RACGAP1: variants seen among roughly 807,000 people sequenced by gnomAD.
The protein encoded by RACGAP1 is rac GTPase-activating protein 1.
A neutral mutation model predicts 78.1 loss-of-function variants in RACGAP1; 30 were observed. The observed-to-expected ratio is 0.38, with a 90% CI of 0.29 to 0.52. The LOEUF (loss-of-function observed/expected upper bound fraction) is 0.52, where lower values mean the gene tolerates loss of function less well. Among genes scored for constraint, RACGAP1 ranks in the 20% least tolerant of loss-of-function variants. The pLI is 0.82. For missense variants in RACGAP1, 587 were observed against 777.1 expected (o/e 0.76, Z 2.91); for synonymous variants, 231 against 264.8 (o/e 0.87, Z 1.24).
intron 9 of RACGAP1, among the ~76,000 whole-genome samples, chr12:49,997,447 C>T (rs1273735800): frequency 3.3e-5 from 5 of 150,666 alleles, no homozygotes; most frequent in Non-Finnish European, 5.9e-5. Context: ...GCTAATTTTT[C>T]GTATTTTTAG....
chr12:49,990,705 G>A lies in RACGAP1; in HGVS notation c.1802C>T (p.Thr601Ile). 2 of 1,613,424 alleles carry A rather than the reference G, an allele frequency of 1.2e-6. No individual in the cohort carries two copies. Among genetic ancestry groups the A allele is most frequent in the Non-Finnish European group, 1.7e-6 (2 of 1,179,372 alleles). ...ATACCTAGGAGTGTTCTTGGTGAGG[G>A]TGGAACGGACTCTCTGTGACAGGGA... Reference protein sequence around the residue: ...SSSLSQRVRSTLTKNTPRFGS... With the variant: ...SSSLSQRVRSILTKNTPRFGS... The change falls in exon 16 of 17, where the codon ACC (threonine) becomes ATC (isoleucine). Residue 601 changes from threonine to isoleucine, a missense_variant. Coordinates refer to ENST00000312377, the MANE Select transcript of RACGAP1 (RefSeq NM_001319999.2).
Position 49,990,707 on chromosome 12 carries a change from G to T in RACGAP1, c.1800C>A (p.Ser600=), listed in dbSNP as rs2137204229. 2 of 1,613,452 alleles carry T rather than the reference G, an allele frequency of 1.2e-6. No homozygotes were observed. Among genetic ancestry groups the T allele is most frequent in the East Asian group, 4.5e-5 (2 of 44,880 alleles). Residue 600 remains serine (S), a synonymous_variant, in exon 16 of 17, where the codon TCC becomes TCA. Coordinates refer to ENST00000312377, the MANE Select transcript of RACGAP1 (RefSeq NM_001319999.2). ...SSSSLSQRVR[S]TLTKNTPRFG... ...ACCTAGGAGTGTTCTTGGTGAGGGTGGAACGGACTCTCTGTGACAGGGAAC... is the reference window on the plus strand; with the variant it reads ...ACCTAGGAGTGTTCTTGGTGAGGGTTGAACGGACTCTCTGTGACAGGGAAC...
chr12:49,991,974 G>A (rs1242864750), intron 15 of RACGAP1, 24 bp downstream of exon 15: 1 of 1,611,864 alleles, frequency 6.2e-7, no homozygotes, highest in African/African-American at 1.3e-5. Flanking sequence ...TCAAGTCCCT[G>A]AAGAAGCACA....
In RACGAP1 at chr12:49,999,172, C is replaced by G. The variant is rs1948494163; in HGVS notation, c.848G>C (p.Gly283Ala). The change falls in exon 9 of 17, where the codon GGG (glycine) becomes GCG (alanine). Residue 283 changes from glycine to alanine, a missense_variant. Coordinates refer to ENST00000312377, the MANE Select transcript of RACGAP1 (RefSeq NM_001319999.2). Reference protein sequence around the residue: ...DSVGTPQSNGGMRLHDFVSKT... With the variant: ...DSVGTPQSNGAMRLHDFVSKT... ...AGAAACAAAGTCATGCAGGCGCATC[C>G]CTCCATTACTCTGTGGCGTGCCCAC... The G allele has an allele frequency of 1.2e-6, 2 of 1,607,962 alleles. No individual in the cohort carries two copies.
upstream of RACGAP1, among the ~76,000 whole-genome samples, chr12:50,028,403 AAT>A (rs1950300159): frequency 2.0e-5 from 3 of 152,218 alleles, no homozygotes; most frequent in African/African-American, 7.2e-5. Context: ...ACCCTTGTCC[AAT>A]CTGGTAGTCC....
intron 2 of RACGAP1, among the ~76,000 whole-genome samples, chr12:50,013,888 ATC>A (rs1949498440): frequency 6.6e-6 from 1 of 152,158 alleles, no homozygotes; most frequent in South Asian, 2.1e-4. Flanking sequence ...GAGTTTTAAT[ATC>A]TCTTATTCCC....
At chr12:50,032,204 A>T (rs1042527003) in intron 1 of RACGAP1, among the ~76,000 whole-genome samples, 1 of 152,148 alleles carries the variant, frequency 6.6e-6, no homozygotes, top group Non-Finnish European at 1.5e-5. Flanking sequence ...GAGAGGAATA[A>T]ATGAGTTATC....
At position 49,992,349 on chromosome 12, in the gene RACGAP1, C is replaced by T; in HGVS notation, c.1474G>A (p.Asp492Asn). Reference protein sequence around the residue: ...RVAQSPHTKMDVANLAKVFGP... With the variant: ...RVAQSPHTKMNVANLAKVFGP... ...AAGACTTTAGCCAGATTGGCAACAT[C>T]CATTTTAGTATGTGGACTCTGAGCC... Residue 492 changes from aspartate to asparagine, a missense_variant, in exon 14 of 17, where the codon GAT becomes AAT. By Grantham distance (23) the Asp-to-Asn change is conservative. Coordinates refer to ENST00000312377, the MANE Select transcript of RACGAP1 (RefSeq NM_001319999.2). The T allele has an allele frequency of 6.2e-7, 1 of 1,614,160 alleles. No homozygotes were observed. Among genetic ancestry groups the T allele is most frequent in the Non-Finnish European group, 8.5e-7 (1 of 1,180,020 alleles).
intron 15 of RACGAP1, among the ~76,000 whole-genome samples, chr12:49,991,472 TATA>T (rs1947847039): frequency 9.4e-5 from 3 of 31,752 alleles, no homozygotes; most frequent in East Asian, 8.5e-4. Context: ...TATATATATA[TATA>T]TATATTTTTT....
chr12:49,999,658 T>C lies in RACGAP1; in HGVS notation c.706A>G (p.Ile236Val), dbSNP rs1251412065. 6.2e-7 allele frequency: 1 copy of C among 1,614,166 alleles called. No individual in the cohort carries two copies. The highest frequency in any genetic ancestry group is 1.1e-5 in the South Asian group (1 of 91,082). The change falls in exon 8 of 17, where the codon ATT becomes GTT. Residue 236 changes from isoleucine (I) to valine (V), a missense_variant. Ile to Val is a conservative substitution (Grantham distance 29). Transcript: ENST00000312377. ...CTGGTCCAATATGGCACAGTCTCAA[T>C]AGTGGACACAGCTTCGATGGGCCCG... ...DGGPIEAVST[I>V]ETVPYWTRSR...
In RACGAP1 at chr12:49,999,269, T is replaced by C; in HGVS notation, c.751A>G (p.Thr251Ala). The C allele has an allele frequency of 1.3e-6, 2 of 1,596,522 alleles. No homozygotes were observed. Among genetic ancestry groups the C allele is most frequent in the Non-Finnish European group, 1.7e-6 (2 of 1,175,694 alleles). ...YWTRSRRKTG[T>A]LQPWNSDSTL... is the part of the protein sequence containing the mutation. ...GAGTCACTGTTCCAAGGTTGTAAAG[T>C]ACCTAGAAAACAAGCAACTTTTAAG... The change falls in exon 9 of 17, where the codon ACT (threonine) becomes GCT (alanine). Residue 251 changes from threonine to alanine, a missense_variant and splice_region_variant. Physicochemically the swap from Thr to Ala is moderately conservative, Grantham distance 58. Coordinates refer to ENST00000312377, the MANE Select transcript of RACGAP1 (RefSeq NM_001319999.2).
chr12:50,005,467 A>C (rs1948919004), intron 3 of RACGAP1, 75 bp from the exon 4 acceptor site: 2 of 1,539,864 alleles, frequency 1.3e-6, no homozygotes, highest in Non-Finnish European at 8.8e-7. Context: ...TGGGACAGGC[A>C]GACCAGAAGA....
chr12:50,025,669 G>GT (rs3830365), upstream of RACGAP1: 3,578 of 444,868 alleles, frequency 8.0e-3, 2 homozygotes, highest in Middle Eastern at 0.016. Flanking sequence ...GGTTTTTTTT[G>GT]TTTTTTTTTG....
chr12:50,028,960 G>A (rs1950305243), upstream of RACGAP1, among the ~76,000 whole-genome samples: 1 of 152,052 alleles, frequency 6.6e-6, no homozygotes. Context: ...GCTCATGCCT[G>A]TATTCCCAGC....
chr12:49,994,348 T>C lies in RACGAP1; in HGVS notation c.1141-19A>G, dbSNP rs367599246. ...GGCCTGTCTATTATCAAGATGACAT[T>C]TTTATTTAAAAACCTCCGAATTAAC... On this transcript the variant is annotated intron_variant, in intron 11 of 16. Transcript: ENST00000312377. The C allele has an allele frequency of 3.1e-6, 5 of 1,612,624 alleles. No homozygotes were observed. The highest frequency in any genetic ancestry group is 4.2e-6 in the Non-Finnish European group (5 of 1,179,628).
intron 1 of RACGAP1, 77 bp downstream of exon 1, chr12:50,025,321 G>A (rs1276129845): frequency 1.3e-5 from 13 of 985,570 alleles, no homozygotes; most frequent in Non-Finnish European, 6.0e-6. Context: ...CGGCGGCCAC[G>A]GCTCACCACA....
In RACGAP1 at chr12:49,994,141, C is replaced by T; in HGVS notation, c.1329G>A (p.Met443Ile). 3.1e-6 allele frequency: 5 copies of T among 1,612,188 alleles called. No homozygotes were observed. The highest frequency in any genetic ancestry group is 3.4e-6 in the Non-Finnish European group (4 of 1,179,466). ...TACATCTGCCCTTACCTGCTGCTTCCATAAAGGCTCTGTTAAGGCGAAAGG... is the reference window on the plus strand; with the variant it reads ...TACATCTGCCCTTACCTGCTGCTTCTATAAAGGCTCTGTTAAGGCGAAAGG... Reference protein sequence around the residue: ...LLTFRLNRAFMEAAEITDEDN... With the variant: ...LLTFRLNRAFIEAAEITDEDN... Residue 443 changes from methionine (M) to isoleucine (I), a missense_variant, in exon 12 of 17, where the codon ATG becomes ATA. By Grantham distance (10) the Met-to-Ile change is conservative. Coordinates refer to ENST00000312377, the MANE Select transcript of RACGAP1 (RefSeq NM_001319999.2).
chr12:49,990,557 C>G, intron 16 of RACGAP1, 127 bp downstream of exon 16: 2 of 829,900 alleles, frequency 2.4e-6, no homozygotes, highest in Admixed American at 5.2e-5. Context: ...TATAGCCCCA[C>G]GTTCCCTTTT....
rs1948660629 is a variant in RACGAP1 at position 50,001,272 on chromosome 12, C to T, written c.550-20G>A. 6.4e-7 allele frequency: 1 copy of T among 1,570,382 alleles called. No individual in the cohort carries two copies. Among genetic ancestry groups the T allele is most frequent in the Non-Finnish European group, 8.8e-7 (1 of 1,141,364 alleles). On this transcript the variant is annotated intron_variant, in intron 6 of 16. Coordinates refer to ENST00000312377, the MANE Select transcript of RACGAP1 (RefSeq NM_001319999.2). ...AGAGCGCTAGAAAGGAGACAAAGAC[C>T]CGTAACTTTAATGCCAAGCAGATCT...
Sources: allele counts gnomAD v4.1 joint callset (sites outside exome capture counted in the v4.1 genomes callset), GRCh38; gene constraint gnomAD v4.1.1; transcripts MANE v1.5; gene names NCBI Gene and HGNC (gene_info 2026-07-23, HGNC 2026-07-21).